Variants in NCF4 observed in about 807,000 individuals in gnomAD.
NCF4 encodes neutrophil cytosol factor 4.
A neutral mutation model predicts 41.7 loss-of-function variants in NCF4; 30 were observed. The ratio of observed to expected loss-of-function variants is 0.72; its 90% CI spans 0.54 to 0.97. The LOEUF (loss-of-function observed/expected upper bound fraction) is 0.97. Among genes scored for constraint, NCF4 ranks in the 50% least tolerant of loss-of-function variants. The probability of loss-of-function intolerance (pLI) is 0.00; values close to 1 mark genes in which losing one functional copy is unlikely to be tolerated. For synonymous variants in NCF4, 195 were observed against 175.8 expected, an observed-to-expected ratio of 1.11 and a Z score of -0.87; for missense variants, 432 against 460.9, an observed-to-expected ratio of 0.94 and a Z score of 0.57.
Position 36,876,131 on chromosome 22 carries a change from T to G in NCF4, c.824+37T>G, listed in dbSNP as rs200327982. The G allele has an allele frequency of 3.2e-6, 5 of 1,550,092 alleles. No individual in the cohort carries two copies. In the East Asian group the frequency reaches 1.1e-4, roughly 35 times the overall value. Reference sequence around the variant, plus strand: ...GGAATGGGGCTGGGGAGTTAGATACTCTGGAGAAGAGAGCGCAGGGAGAAA... The same window carrying G: ...GGAATGGGGCTGGGGAGTTAGATACGCTGGAGAAGAGAGCGCAGGGAGAAA... On this transcript the variant is annotated intron_variant, in intron 9 of 9. Transcript: ENST00000248899.
chr22:36,877,201 A>G (rs747006825), intron 9 of NCF4, among the ~76,000 whole-genome samples: 2 of 151,830 alleles, frequency 1.3e-5, no homozygotes, highest in Non-Finnish European at 2.9e-5. Flanking sequence ...CAGTGGTGCA[A>G]TCTCAGCTCA....
intron 7 of NCF4, among the ~76,000 whole-genome samples, chr22:36,875,155 G>A (rs1267567119): frequency 1.3e-5 from 2 of 151,996 alleles, no homozygotes; most frequent in East Asian, 1.9e-4. Flanking sequence ...TCCGCCTCCC[G>A]AGTAGCTGGG....
rs12158689 is a variant in NCF4 at position 36,870,076 on chromosome 22, G to A, written c.343-339G>A. Reference sequence around the variant, plus strand: ...GGATGTCATGAGATGGAGCAAGGGCGCGCATGTGATACCCACCTGGTAAAG... The same window carrying A: ...GGATGTCATGAGATGGAGCAAGGGCACGCATGTGATACCCACCTGGTAAAG... On this transcript the variant is annotated intron_variant, in intron 4 of 9. Transcript: ENST00000248899. 9,244 of 377,912 alleles carry A rather than the reference G, an allele frequency of 0.024. 725 individuals are homozygous for A. Among genetic ancestry groups the A allele is most frequent in the African/African-American group, 0.17 (8,075 of 47,718 alleles). The allele number at this position is 377,912 out of a possible 1,614,324, so 23.4% of individuals were successfully genotyped here.
intron 7 of NCF4, among the ~76,000 whole-genome samples, chr22:36,872,944 G>A (rs34275024): frequency 0.6 from 66,665 of 110,776 alleles, 17,451 homozygotes; most frequent in Admixed American, 0.67. Flanking sequence ...GGATGGAGGT[G>A]AGATTGGAGG....
intron 8 of NCF4, 53 bp downstream of exon 8, chr22:36,875,836 C>G: frequency 6.2e-7 from 1 of 1,614,114 alleles, no homozygotes; most frequent in Non-Finnish European, 8.5e-7. Flanking sequence ...ATCCCTACGA[C>G]CACTGCCCCT....
rs1350100544 is a variant in NCF4, at chr22:36,877,615, T to C, written c.825-13T>C. On this transcript the variant is annotated splice_polypyrimidine_tract_variant and intron_variant, in intron 9 of 9. Transcript: ENST00000248899. The stretch of plus-strand genomic sequence containing the variant: ...CTTAGGCCCTTTGATTATCCCTGAC[T>C]TTTCCCATGCAGGCGGGAGTTCCAG... 5 of 1,613,962 alleles carry C rather than the reference T, an allele frequency of 3.1e-6. No individual in the cohort carries two copies. The highest frequency in any genetic ancestry group is 4.2e-6 in the Non-Finnish European group (5 of 1,179,996).
At chr22:36,876,259 G>A (rs1940192110) in intron 9 of NCF4, among the ~76,000 whole-genome samples, 165 bp downstream of exon 9, 1 of 152,294 alleles carries the variant, frequency 6.6e-6, no homozygotes, top group Non-Finnish European at 1.5e-5. Context: ...CCCCACTTTA[G>A]AGATGAGCGG....
chr22:36,876,168 A>T (rs1304232306), intron 9 of NCF4, 74 bp downstream of exon 9: 1 of 1,373,346 alleles, frequency 7.3e-7, no homozygotes, highest in Admixed American at 2.5e-5. Context: ...GTTAAGCACT[A>T]GTATTAAGGT....
intron 5 of NCF4, among the ~76,000 whole-genome samples, chr22:36,871,367 T>C (rs1940050664): frequency 6.6e-6 from 1 of 152,184 alleles, no homozygotes; most frequent in African/African-American, 2.4e-5. Context: ...TCTGAACACT[T>C]TGGCAAGTGA....
At chr22:36,863,469 G>A (rs540743727) in intron 1 of NCF4, among the ~76,000 whole-genome samples, 4 of 149,848 alleles carry the variant, frequency 2.7e-5, no homozygotes, top group African/African-American at 9.9e-5. Flanking sequence ...CACCACCCCA[G>A]GGAAAACTCG....
rs764340424 is a variant in NCF4, at chr22:36,864,899, A to C, written c.118-20A>C. Reference sequence around the variant, plus strand: ...TGCTCCTGGCCCCTGAGCCCTCCCCACAACCTCTGTCCTCCTTAGGTTTTC... The same window carrying C: ...TGCTCCTGGCCCCTGAGCCCTCCCCCCAACCTCTGTCCTCCTTAGGTTTTC... On this transcript the variant is annotated intron_variant, in intron 2 of 9. Transcript: ENST00000248899. 2 of 1,613,028 alleles carry C rather than the reference A, an allele frequency of 1.2e-6. No homozygotes were observed. The highest frequency in any genetic ancestry group is 2.2e-5 in the South Asian group (2 of 91,034).
At chr22:36,876,836 G>C (rs979163147) in intron 9 of NCF4, among the ~76,000 whole-genome samples, 1 of 152,234 alleles carries the variant, frequency 6.6e-6, no homozygotes, top group Non-Finnish European at 1.5e-5. Flanking sequence ...GGGGATTAAA[G>C]CATTTGCAAG....
At chr22:36,866,327 C>A (rs1175203013) in intron 3 of NCF4, among the ~76,000 whole-genome samples, 1 of 152,140 alleles carries the variant, frequency 6.6e-6, no homozygotes, top group Non-Finnish European at 1.5e-5. Flanking sequence ...TGCCAAGCCT[C>A]ATCTTCACAC....
chr22:36,868,171 C>T (rs1262595187), intron 4 of NCF4, among the ~76,000 whole-genome samples: 6 of 152,220 alleles, frequency 3.9e-5, no homozygotes, highest in African/African-American at 4.8e-5. Context: ...AGTGCACCGT[C>T]GCTAGAGACC....
chr22:36,872,756 T>G (rs1334819521), intron 7 of NCF4, among the ~76,000 whole-genome samples: 1 of 149,324 alleles, frequency 6.7e-6, no homozygotes, highest in African/African-American at 2.5e-5. Flanking sequence ...GAGGTGAGGA[T>G]GGAGGTGAGG....
chr22:36,873,020 C>A (rs35818103), intron 7 of NCF4, among the ~76,000 whole-genome samples: 11,868 of 53,162 alleles, frequency 0.22, 594 homozygotes, highest in Middle Eastern at 0.42. Flanking sequence ...GGAGGTGAGA[C>A]TGGAGGTGAG....
At chr22:36,872,504 T>C (rs1940083634) in intron 7 of NCF4, 79 bp downstream of exon 7, 1 of 1,246,630 alleles carries the variant, frequency 8.0e-7, no homozygotes, top group Non-Finnish European at 1.2e-6. Context: ...GAGGTGAGGG[T>C]GGAAGTGCAA....
chr22:36,865,408 G>T lies in NCF4; in HGVS notation c.271+336G>T, dbSNP rs1043244696. Among the ~76,000 whole-genome samples, 5 of 152,138 alleles carry T rather than the reference G, an allele frequency of 3.3e-5. No homozygotes were observed. Among genetic ancestry groups the T allele is most frequent in the African/African-American group, 1.2e-4 (5 of 41,510 alleles). ...CTCAGAGACAGGAATCCCCCAGTCT[G>T]GTCCCTAAACACACTGACTCACCTC... is the stretch of plus-strand genomic sequence containing the variant. On this transcript the variant is annotated intron_variant, in intron 3 of 9. Transcript: ENST00000248899. The surrounding 1 kb of genome is among the most constrained non-coding windows in gnomAD (Gnocchi z 4.3).
At chr22:36,876,251 C>T (rs1443586661) in intron 9 of NCF4, among the ~76,000 whole-genome samples, 157 bp downstream of exon 9, 2 of 152,172 alleles carry the variant, frequency 1.3e-5, no homozygotes, top group African/African-American at 4.8e-5. Flanking sequence ...CAGCATCTCC[C>T]CACTTTAGAG....
Sources: gnomAD v4.1 joint callset for allele counts (sites outside exome capture counted in the v4.1 genomes callset) on GRCh38, gnomAD v4.1.1 for gene constraint, Gnocchi (gnomAD v3.1) non-coding constraint, MANE v1.5 for transcripts, NCBI Gene and HGNC (gene_info 2026-07-23, HGNC 2026-07-21) for gene names.